The following MOK variants were observed in gnomAD, a reference collection of about 807,000 sequenced individuals.
MOK encodes the protein MAPK/MAK/MRK overlapping kinase.
MOK carries 59 observed loss-of-function variants against 54.2 expected under a neutral mutation model. The ratio of observed to expected loss-of-function variants is 1.09; its 90% CI spans 0.88 to 1.35. The LOEUF is 1.35. MOK is among the 40% of genes most tolerant of loss of function. The pLI is 0.00. For synonymous variants in MOK, 210 were observed against 202.7 expected (o/e 1.04, Z -0.31); for missense variants, 517 against 526.2 (o/e 0.98, Z 0.17).
chr14:102,270,609 A>G (rs923950635), intron 2 of MOK, among the ~76,000 whole-genome samples: 1 of 152,120 alleles, frequency 6.6e-6, no homozygotes, highest in African/African-American at 2.4e-5. Flanking sequence ...AAAAAAAAAA[A>G]ATTAAATAAT....
chr14:102,277,507 AC>A (rs2068987388), intron 2 of MOK: 1 of 152,202 alleles, frequency 6.6e-6, no homozygotes, highest in African/African-American at 2.4e-5. Context: ...AGTCCCAGCT[AC>A]TTGGGAGGCT....
At chr14:102,227,204 C>T (rs1484046114), downstream of MOK, among the ~76,000 whole-genome samples, 2 of 152,182 alleles carry the variant, frequency 1.3e-5, no homozygotes, top group African/African-American at 2.4e-5. Flanking sequence ...GAGAGTAACA[C>T]GTTTCCCAAG....
At chr14:102,268,446 C>A (rs1219058472) in intron 2 of MOK, among the ~76,000 whole-genome samples, 2 of 151,526 alleles carry the variant, frequency 1.3e-5, no homozygotes, top group Non-Finnish European at 2.9e-5. Context: ...ATTTTGTTGT[C>A]AGGTGACATT....
chr14:102,235,550 C>T lies in MOK; in HGVS notation c.591-1761G>A, dbSNP rs2065147511. 1 of 152,220 alleles carries T rather than the reference C, an allele frequency of 6.6e-6. No homozygotes were observed. The highest frequency in any genetic ancestry group is 1.5e-5 in the Non-Finnish European group (1 of 68,052). 9.4% of individuals were successfully genotyped at this position (152,220 alleles called of 1,614,324 possible). On this transcript the variant is annotated intron_variant, in intron 7 of 11. Coordinates refer to ENST00000361847, the MANE Select transcript of MOK (RefSeq NM_014226.3). This position sits in a 1 kb window ranked among gnomAD's most constrained non-coding sequence, Gnocchi z 4.4. ...TATCAACCCACAGGCCCCTGCCAGA[C>T]CTCCTGTAATCATATGATTACTTGC...
intron 1 of MOK, among the ~76,000 whole-genome samples, chr14:102,295,133 G>A (rs1170319723): frequency 6.6e-6 from 1 of 152,166 alleles, no homozygotes; most frequent in African/African-American, 2.4e-5. Flanking sequence ...AAGCTCTGAA[G>A]GGAACAGAGC....
downstream of MOK, among the ~76,000 whole-genome samples, chr14:102,227,998 A>G (rs949266269): frequency 1.3e-5 from 2 of 152,238 alleles, no homozygotes; most frequent in African/African-American, 4.8e-5. Flanking sequence ...AGACCCAATT[A>G]CTAAGTTACT....
At position 102,251,989 on chromosome 14, in the gene MOK, C is replaced by T; in HGVS notation, c.290G>A (p.Arg97Lys). 1.3e-6 allele frequency: 2 copies of T among 1,576,544 alleles called. No homozygotes were observed. Among genetic ancestry groups the T allele is most frequent in the Non-Finnish European group, 1.7e-6 (2 of 1,147,220 alleles). Residue 97 changes from arginine to lysine, a missense_variant, in exon 5 of 12, where the codon AGA becomes AAA. Coordinates refer to ENST00000361847, the MANE Select transcript of MOK (RefSeq NM_014226.3). The stretch of plus-strand genomic sequence containing the variant: ...AATTTTTTTTTCTGATAATGGGTAT[C>T]TTCTCCCTGTACAATCAAGGAAATA... Reference protein sequence around the residue: ...MNIYELIRGRRYPLSEKKIMH... With the variant: ...MNIYELIRGRKYPLSEKKIMH...
chr14:102,256,103 TA>T (rs1423143291), intron 4 of MOK, among the ~76,000 whole-genome samples: 2 of 148,714 alleles, frequency 1.3e-5, no homozygotes, highest in Non-Finnish European at 3.0e-5. Context: ...GAGTTATTAT[TA>T]TTTTTTTTTT....
chr14:102,218,878 C>T, the MOK span, among the ~76,000 whole-genome samples: 105 of 152,334 alleles, frequency 6.9e-4, no homozygotes, highest in East Asian at 3.7e-3. Context: ...CAGCAGCTCC[C>T]GCACGCTGCT....
At chr14:102,217,337 C>T in the MOK span, among the ~76,000 whole-genome samples, 3 of 152,230 alleles carry the variant, frequency 2.0e-5, no homozygotes, top group Non-Finnish European at 2.9e-5. Flanking sequence ...CTTCCACCTT[C>T]AGATCGCAGC....
intron 2 of MOK, among the ~76,000 whole-genome samples, chr14:102,282,543 C>A (rs763642955): frequency 2.0e-5 from 3 of 151,582 alleles, no homozygotes; most frequent in Non-Finnish European, 2.9e-5. Context: ...AAGACCAGCA[C>A]GGGCAACGTG....
chr14:102,304,940 C>A (rs1430890045), intron 1 of MOK, 22 bp downstream of exon 1: 1 of 1,605,406 alleles, frequency 6.2e-7, no homozygotes, highest in Admixed American at 1.7e-5. Context: ...CAGTCCCTGC[C>A]CCTTTCCCCG....
At chr14:102,300,491 G>A (rs1031854696) in intron 1 of MOK, among the ~76,000 whole-genome samples, 1 of 151,818 alleles carries the variant, frequency 6.6e-6, no homozygotes, top group South Asian at 2.1e-4. Flanking sequence ...GGAGGCTGTC[G>A]TGAGCTGTGG....
intron 2 of MOK, among the ~76,000 whole-genome samples, chr14:102,268,441 G>C (rs1195518987): frequency 6.6e-6 from 1 of 151,782 alleles, no homozygotes; most frequent in African/African-American, 2.4e-5. Flanking sequence ...GTTGAATTTT[G>C]TTGTCAGGTG....
intron 1 of MOK, among the ~76,000 whole-genome samples, chr14:102,288,087 G>A (rs1241501310): frequency 2.0e-5 from 3 of 150,616 alleles, no homozygotes; most frequent in Non-Finnish European, 4.4e-5. Context: ...ACCCGCCTCG[G>A]CCTCCCAAAG....
In MOK at chr14:102,229,364, T is replaced by C. The variant is rs1336027569; in HGVS notation, c.1185A>G (p.Thr395=). ...CAGGCTTAAGGTCCTTCTGCGGATC[T>C]GTCTGTCAAAGAAAAATTACAGACA... is the stretch of plus-strand genomic sequence containing the variant. ...PLKCIPASKK[T]DPQKDLKPAP... Residue 395 remains threonine (T), a splice_region_variant and synonymous_variant, in exon 12 of 12, where the codon ACA becomes ACG. Coordinates refer to ENST00000361847, the MANE Select transcript of MOK (RefSeq NM_014226.3). 3 of 1,613,888 alleles carry C rather than the reference T, an allele frequency of 1.9e-6. No individual in the cohort carries two copies. The highest frequency in any genetic ancestry group is 2.5e-6 in the Non-Finnish European group (3 of 1,179,868).
chr14:102,229,815 G>A (rs1250777927), intron 10 of MOK, 158 bp from the exon 11 acceptor site: 4 of 683,528 alleles, frequency 5.9e-6, no homozygotes, highest in Admixed American at 6.1e-5. Context: ...GACACCCCAA[G>A]GGAGTGGCTG....
chr14:102,266,491 C>T (rs538147791), intron 2 of MOK, among the ~76,000 whole-genome samples: 4 of 152,174 alleles, frequency 2.6e-5, no homozygotes, highest in Middle Eastern at 3.4e-3. Flanking sequence ...CTCAAATGAT[C>T]GGCCCGCCTC....
chr14:102,254,955 G>C (rs1366347675), intron 4 of MOK, among the ~76,000 whole-genome samples: 1 of 152,168 alleles, frequency 6.6e-6, no homozygotes, highest in Non-Finnish European at 1.5e-5. Context: ...TGTCATTAGA[G>C]TCATCTGAAC....
Sources: gnomAD v4.1 joint callset for allele counts (sites outside exome capture counted in the v4.1 genomes callset) on GRCh38, gnomAD v4.1.1 for gene constraint, Gnocchi (gnomAD v3.1) non-coding constraint, MANE v1.5 for transcripts, NCBI Gene and HGNC (gene_info 2026-07-23, HGNC 2026-07-21) for gene names.